Variants in IQCH observed in about 807,000 individuals in gnomAD.
The protein encoded by IQCH is IQ domain-containing protein H.
Under a neutral mutation model 117.0 loss-of-function variants are expected in IQCH, and 98 were observed. That is an observed-to-expected ratio of 0.84 (90% confidence interval 0.71 to 0.99). IQCH has a LOEUF of 0.99. Among genes scored for constraint, IQCH ranks in the 50% least tolerant of loss-of-function variants. The pLI is 0.00. For missense variants in IQCH, 1,102 were observed against 1,243.8 expected (o/e 0.89, Z 1.72); for synonymous variants, 412 against 448.2 (o/e 0.92, Z 1.02).
intron 16 of IQCH, among the ~76,000 whole-genome samples, chr15:67,464,698 C>G (rs922991310): frequency 6.6e-6 from 1 of 152,204 alleles, no homozygotes; most frequent in Non-Finnish European, 1.5e-5. Flanking sequence ...AAAATCAGGG[C>G]AAACTGCCCT....
At position 67,395,482 on chromosome 15, in the gene IQCH, C is replaced by T. The variant is rs139553529; in HGVS notation, c.1824C>T (p.Thr608=). Residue 608 remains threonine, a synonymous_variant, in exon 13 of 21, where the codon ACC becomes ACT. Coordinates refer to ENST00000335894, the MANE Select transcript of IQCH (RefSeq NM_001031715.3). The surrounding 1 kb of genome is among the most constrained non-coding windows in gnomAD (Gnocchi z 4.0). The stretch of plus-strand genomic sequence containing the variant: ...CTGAACTAGCTCATCTTTATAGTAC[C>T]AAATCTGGAGGCAAACGTGTCTTTG... The part of the protein sequence containing the change: ...SEPELAHLYS[T]KSGGKRVFDS... 4.3e-3 allele frequency: 6,989 copies of T among 1,613,998 alleles called. 30 individuals carry two copies. The highest frequency in any genetic ancestry group is 5.0e-3 in the Non-Finnish European group (5,948 of 1,179,960).
chr15:67,396,314 C>T (rs534759313), intron 13 of IQCH, among the ~76,000 whole-genome samples: 1 of 151,496 alleles, frequency 6.6e-6, no homozygotes, highest in South Asian at 2.1e-4. Context: ...AGGAAGCGAT[C>T]GAAATGGAGG....
At chr15:67,399,068 T>C (rs1243273082) in intron 13 of IQCH, among the ~76,000 whole-genome samples, 1 of 152,154 alleles carries the variant, frequency 6.6e-6, no homozygotes, top group African/African-American at 2.4e-5. Flanking sequence ...CTTCTCTTGC[T>C]CCTCTTCTGA....
intron 16 of IQCH, among the ~76,000 whole-genome samples, chr15:67,428,852 A>G (rs1221314034): frequency 1.3e-5 from 2 of 151,384 alleles, no homozygotes; most frequent in Non-Finnish European, 2.9e-5. Context: ...TGTCTCAAAA[A>G]AAAAAAAAAA....
At position 67,474,543 on chromosome 15, in the gene IQCH, A is replaced by G. The variant is rs1476328457; in HGVS notation, c.2677-1153A>G. 2.6e-5 allele frequency among the ~76,000 whole-genome samples: 4 copies of G among 152,314 alleles called. No homozygotes were observed. Among genetic ancestry groups the G allele is most frequent in the African/African-American group, 7.2e-5 (3 of 41,576 alleles). On this transcript the variant is annotated intron_variant, in intron 17 of 20. Coordinates refer to ENST00000335894, the MANE Select transcript of IQCH (RefSeq NM_001031715.3). The surrounding 1 kb of genome is among the most constrained non-coding windows in gnomAD (Gnocchi z 4.1). ...TTATCTGGTACATATTAAATTTTAA[A>G]TGTTTTCAGGAAATACATAATGACA... is the stretch of plus-strand genomic sequence containing the variant.
At chr15:67,336,895 C>A in intron 4 of IQCH, 80 bp from the exon 5 acceptor site, 1 of 1,401,472 alleles carries the variant, frequency 7.1e-7, no homozygotes, top group African/African-American at 1.4e-5. Context: ...CTATTCATAA[C>A]TTTATTTATT....
chr15:67,348,355 T>TCACACACACACA (rs56134528), intron 6 of IQCH, among the ~76,000 whole-genome samples: 8 of 147,684 alleles, frequency 5.4e-5, no homozygotes, highest in African/African-American at 2.0e-4. Flanking sequence ...TCGCAAGCCA[T>TCACACACACACA]CACACACACA....
chr15:67,310,998 G>C (rs1027672974), intron 4 of IQCH, among the ~76,000 whole-genome samples: 1 of 152,112 alleles, frequency 6.6e-6, no homozygotes, highest in Non-Finnish European at 1.5e-5. Context: ...AAGTTTGCCA[G>C]ACACAGTGTT....
At chr15:67,478,246 G>A (rs1254417778) in intron 18 of IQCH, among the ~76,000 whole-genome samples, 4 of 152,104 alleles carry the variant, frequency 2.6e-5, no homozygotes, top group Admixed American at 6.6e-5. Context: ...TTAGCTGGGC[G>A]TGGTGGCATG....
Position 67,284,509 on chromosome 15 carries a change from A to G in IQCH, c.387+4997A>G, listed in dbSNP as rs187886531. 3.0e-4 allele frequency among the ~76,000 whole-genome samples: 45 copies of G among 152,276 alleles called. No individual in the cohort carries two copies. In the East Asian group the frequency reaches 4.8e-3, roughly 16 times the overall value. ...AGGGGTACATGTGCAGATTTGTTAC[A>G]TAGGTAAACTTGTGTCATGGGGATT... On this transcript the variant is annotated intron_variant, in intron 4 of 20. Transcript: ENST00000335894.
rs1171370777 is a variant in IQCH at position 67,385,607 on chromosome 15, G to T, written c.1456+588G>T. Among the ~76,000 whole-genome samples, 2 of 152,276 alleles carry T rather than the reference G, an allele frequency of 1.3e-5. No homozygotes were observed. Among genetic ancestry groups the T allele is most frequent in the East Asian group, 3.9e-4 (2 of 5,182 alleles). ...TCAGGTTCTGATACTGGTTTGGTCAGTTCTTAATCAGACACCCATCTGGAG... is the reference window on the plus strand; with the variant it reads ...TCAGGTTCTGATACTGGTTTGGTCATTTCTTAATCAGACACCCATCTGGAG... On this transcript the variant is annotated intron_variant, in intron 11 of 20. Transcript: ENST00000335894. The surrounding 1 kb of genome is among the most constrained non-coding windows in gnomAD (Gnocchi z 4.6).
In IQCH at chr15:67,453,616, A is replaced by G. The variant is rs986584447; in HGVS notation, c.2506-11511A>G. Among the ~76,000 whole-genome samples the G allele has an allele frequency of 2.6e-5, 4 of 152,106 alleles. No homozygotes were observed. Among genetic ancestry groups the G allele is most frequent in the African/African-American group, 7.2e-5 (3 of 41,432 alleles). ...GTCTCAGAGGAGTACCCGGCCATGT[A>G]AGGTGTCAGTCCGCCCCTACTGGGG... is the stretch of plus-strand genomic sequence containing the variant. On this transcript the variant is annotated intron_variant, in intron 16 of 20. Transcript: ENST00000335894. The surrounding 1 kb of genome is among the most constrained non-coding windows in gnomAD (Gnocchi z 5.8).
Position 67,298,559 on chromosome 15 carries a change from G to T in IQCH, c.387+19047G>T, listed in dbSNP as rs112896676. 4.6e-3 allele frequency among the ~76,000 whole-genome samples: 701 copies of T among 151,822 alleles called. 7 individuals carry two copies. The highest frequency in any genetic ancestry group is 0.016 in the African/African-American group (680 of 41,448). The stretch of plus-strand genomic sequence containing the variant: ...TACAACCACTATGGAGAACGGTTTG[G>T]AAGTTCCTCAGAAAACTAAAAATAG... On this transcript the variant is annotated intron_variant, in intron 4 of 20. Transcript: ENST00000335894.
Position 67,433,262 on chromosome 15 carries a change from T to C in IQCH, c.2505+11685T>C, listed in dbSNP as rs1259541667. Among the ~76,000 whole-genome samples, 1 of 152,242 alleles carries C rather than the reference T, an allele frequency of 6.6e-6. No individual in the cohort carries two copies. Among genetic ancestry groups the C allele is most frequent in the Non-Finnish European group, 1.5e-5 (1 of 68,048 alleles). On this transcript the variant is annotated intron_variant, in intron 16 of 20. Transcript: ENST00000335894. The surrounding 1 kb of genome is among the most constrained non-coding windows in gnomAD (Gnocchi z 5.4). ...GTAATAGTAATGATGATGGCAATGA[T>C]GATGACTTCTACAATAAGCACATGG...
rs1177380993 is a variant in IQCH at position 67,459,056 on chromosome 15, A to C, written c.2506-6071A>C. Among the ~76,000 whole-genome samples the C allele has an allele frequency of 6.6e-6, 1 of 152,198 alleles. No homozygotes were observed. Among genetic ancestry groups the C allele is most frequent in the Non-Finnish European group, 1.5e-5 (1 of 68,044 alleles). ...AGGATTCACCCAGACTACTATCCCC[A>C]GTGAGTGATTAGTTAAGGAAAGTGT... On this transcript the variant is annotated intron_variant, in intron 16 of 20. Transcript: ENST00000335894. This position sits in a 1 kb window ranked among gnomAD's most constrained non-coding sequence, Gnocchi z 4.2.
At chr15:67,452,844 C>T (rs1388062743) in intron 16 of IQCH, among the ~76,000 whole-genome samples, 9 of 152,174 alleles carry the variant, frequency 5.9e-5, no homozygotes, top group Non-Finnish European at 1.0e-4. Context: ...CCATTCTCCC[C>T]ATCACTTTCA....
chr15:67,278,138 C>G (rs1018488076), intron 3 of IQCH, among the ~76,000 whole-genome samples: 5 of 152,220 alleles, frequency 3.3e-5, no homozygotes, highest in South Asian at 2.1e-4. Flanking sequence ...TTGCCCTTCT[C>G]CAGCTCAGAT....
rs1312632360 is a variant in IQCH, at chr15:67,267,905, ATCT to A, written c.269+4692_269+4694del. Reference sequence around the variant, plus strand: ...CATTTTCATTGTCATCCTTATCAAGATCTTCATCATCATCATTAATATTTTCAT... The same window carrying A: ...CATTTTCATTGTCATCCTTATCAAGATCATCATCATCATTAATATTTTCAT... On this transcript the variant is annotated intron_variant, in intron 3 of 20. Transcript: ENST00000335894. Among the ~76,000 whole-genome samples, 3 of 152,282 alleles carry A rather than the reference ATCT, an allele frequency of 2.0e-5. No homozygotes were observed. The South Asian group carries it at 6.2e-4, about 32-fold the overall frequency.
chr15:67,423,961 C>G (rs1567176733), intron 16 of IQCH, among the ~76,000 whole-genome samples: 1 of 152,050 alleles, frequency 6.6e-6, no homozygotes, highest in East Asian at 1.9e-4. Context: ...AGACAGTTGA[C>G]TTGTGGCTTT....
Sources: gnomAD v4.1 joint callset for allele counts (sites outside exome capture counted in the v4.1 genomes callset) on GRCh38, gnomAD v4.1.1 for gene constraint, Gnocchi (gnomAD v3.1) non-coding constraint, MANE v1.5 for transcripts, NCBI Gene and HGNC (gene_info 2026-07-23, HGNC 2026-07-21) for gene names.